Variants in GFRA2 observed in about 807,000 individuals in gnomAD.
GFRA2 encodes the protein GDNF family receptor alpha 2.
Under a neutral mutation model 48.3 loss-of-function variants are expected in GFRA2, and 17 were observed. The observed-to-expected ratio is 0.35, with a 90% CI of 0.24 to 0.53. GFRA2 has a LOEUF of 0.53. Among genes scored for constraint, GFRA2 ranks in the 20% least tolerant of loss-of-function variants. GFRA2 has a pLI of 0.93. For synonymous variants in GFRA2, 305 were observed against 257.2 expected, an observed-to-expected ratio of 1.19 and a Z score of -1.78; for missense variants, 660 against 637.3, an observed-to-expected ratio of 1.04 and a Z score of -0.38.
At chr8:21,698,313 G>T (rs1802309888) in intron 7 of GFRA2, among the ~76,000 whole-genome samples, 1 of 152,204 alleles carries the variant, frequency 6.6e-6, no homozygotes. Flanking sequence ...AGATGGCACT[G>T]GGGGAAGGAC....
At chr8:21,753,758 CTTTT>C (rs1344415283) in intron 3 of GFRA2, among the ~76,000 whole-genome samples, 3 of 152,130 alleles carry the variant, frequency 2.0e-5, no homozygotes, top group African/African-American at 7.2e-5. Context: ...TCACCTGTTT[CTTTT>C]TTGTGATTAC....
intron 4 of GFRA2, among the ~76,000 whole-genome samples, chr8:21,718,670 T>C (rs1803450721): frequency 6.6e-6 from 1 of 152,204 alleles, no homozygotes; most frequent in Non-Finnish European, 1.5e-5. Flanking sequence ...AAGCACCTCC[T>C]CTGTTAGCAT....
Position 21,737,238 on chromosome 8 carries a change from G to A in GFRA2, c.794+13350C>T, listed in dbSNP as rs538773416. ...CAAAAATTAATCAGGCATTGGTAGC[G>A]CGTGCCTATAGTCTCAGCTACTTGG... is the stretch of plus-strand genomic sequence containing the variant. On this transcript the variant is annotated intron_variant, in intron 4 of 8. Coordinates refer to ENST00000524240, the MANE Select transcript of GFRA2 (RefSeq NM_001495.5). Among the ~76,000 whole-genome samples, 12 of 152,106 alleles carry A rather than the reference G, an allele frequency of 7.9e-5. No individual in the cohort carries two copies. In the East Asian group the frequency reaches 9.7e-4, roughly 12 times the overall value.
rs1389962024 is a variant in GFRA2 at position 21,702,896 on chromosome 8, G to A, written c.1127C>T (p.Pro376Leu). ...CAAAGAAGGCGTCTTCTCCACCCGA[G>A]GGGCCTGGGTGGCCTGGAACGAGGG... ...KGPSFQATQAPRVEKTPSLPD... is the reference protein window; with the variant it reads ...KGPSFQATQALRVEKTPSLPD... The change falls in exon 7 of 9, where the codon CCT becomes CTT. Residue 376 changes from proline to leucine, a missense_variant. By Grantham distance (98) the Pro-to-Leu change is moderately conservative (BLOSUM62 -3). Transcript: ENST00000524240. The A allele has an allele frequency of 6.2e-7, 1 of 1,604,856 alleles. No homozygotes were observed. The highest frequency in any genetic ancestry group is 8.5e-7 in the Non-Finnish European group (1 of 1,175,824).
upstream of GFRA2, among the ~76,000 whole-genome samples, chr8:21,790,473 C>T (rs1807543274): frequency 6.6e-6 from 1 of 152,254 alleles, no homozygotes; most frequent in South Asian, 2.1e-4. Flanking sequence ...ACTAACAAAA[C>T]CAGCAGCCTT....
intron 1 of GFRA2, among the ~76,000 whole-genome samples, chr8:21,810,277 T>G (rs920015890): frequency 3.9e-5 from 6 of 152,098 alleles, no homozygotes; most frequent in African/African-American, 1.4e-4. Flanking sequence ...GGAGTGGAAG[T>G]GACCCACAAC....
chr8:21,716,107 G>C (rs1047528050), intron 4 of GFRA2, among the ~76,000 whole-genome samples: 1 of 152,122 alleles, frequency 6.6e-6, no homozygotes, highest in African/African-American at 2.4e-5. Flanking sequence ...CGGATTACTT[G>C]AGGTCAAGAG....
intron 3 of GFRA2, among the ~76,000 whole-genome samples, chr8:21,765,338 T>G (rs1205282095): frequency 1.3e-5 from 2 of 152,024 alleles, no homozygotes; most frequent in Admixed American, 6.6e-5. Context: ...CTCGAACTCC[T>G]GGACTCAAGA....
rs375885089 is a variant in GFRA2, at chr8:21,748,643, C to T, written c.794+1945G>A. 1.2e-3 allele frequency among the ~76,000 whole-genome samples: 180 copies of T among 152,328 alleles called. 1 individual carries two copies. The highest frequency in any genetic ancestry group is 4.3e-3 in the African/African-American group (177 of 41,572). On this transcript the variant is annotated intron_variant, in intron 4 of 8. Coordinates refer to ENST00000524240, the MANE Select transcript of GFRA2 (RefSeq NM_001495.5). ...TGGTTGTGTGACCTTCAGCAAGTTACTTTCTCTGTAACTTGCCAGATGTTT... is the reference window on the plus strand; with the variant it reads ...TGGTTGTGTGACCTTCAGCAAGTTATTTTCTCTGTAACTTGCCAGATGTTT...
At chr8:21,714,230 A>C (rs1030711068) in intron 4 of GFRA2, among the ~76,000 whole-genome samples, 2 of 133,874 alleles carry the variant, frequency 1.5e-5, no homozygotes, top group Non-Finnish European at 3.1e-5. Context: ...TGATCAATAC[A>C]TACTGGTCTG....
At chr8:21,716,967 G>A (rs939931274) in intron 4 of GFRA2, among the ~76,000 whole-genome samples, 10 of 152,160 alleles carry the variant, frequency 6.6e-5, no homozygotes, top group Non-Finnish European at 1.0e-4. Context: ...CAGCCTGCTC[G>A]GTCTTGTCCT....
Position 21,788,325 on chromosome 8 carries a change from C to A in GFRA2, c.-166G>T. ...AAGATCCCGAGTCCTGCGATTCTCG[C>A]CTCTGGCTGGAGGGGGTGGGGTGAG... On this transcript the variant is annotated 5_prime_UTR_variant, in exon 1 of 9. Transcript: ENST00000524240. The A allele has an allele frequency of 7.2e-7, 1 of 1,386,970 alleles. No individual in the cohort carries two copies. Among genetic ancestry groups the A allele is most frequent in the East Asian group, 3.0e-5 (1 of 33,456 alleles). The allele number at this position is 1,386,970 out of a possible 1,614,324, so 85.9% of individuals were successfully genotyped here.
chr8:21,787,263 C>T (rs2309080), intron 1 of GFRA2, among the ~76,000 whole-genome samples: 2 of 49,218 alleles, frequency 4.1e-5, no homozygotes, highest in South Asian at 6.7e-4. Flanking sequence ...TTGGAGGCGG[C>T]GGGGGGGGCA....
At chr8:21,696,541 C>T (rs563722533) in intron 7 of GFRA2, among the ~76,000 whole-genome samples, 28 of 152,298 alleles carry the variant, frequency 1.8e-4, no homozygotes, top group African/African-American at 6.5e-4. Context: ...CGGACCTAGA[C>T]ACTCTGCAGG....
At chr8:21,698,158 C>T (rs1400112280) in intron 7 of GFRA2, among the ~76,000 whole-genome samples, 1 of 152,204 alleles carries the variant, frequency 6.6e-6, no homozygotes, top group Non-Finnish European at 1.5e-5. Flanking sequence ...CAAAAGCACA[C>T]AGGCCTAGGC....
chr8:21,693,604 G>C (rs1801981923), intron 8 of GFRA2, among the ~76,000 whole-genome samples: 1 of 151,998 alleles, frequency 6.6e-6, no homozygotes, highest in Admixed American at 6.6e-5. Context: ...GAGCAGAAGG[G>C]AATGCTCTGT....
At chr8:21,729,826 T>C (rs999067344) in intron 4 of GFRA2, among the ~76,000 whole-genome samples, 4 of 151,622 alleles carry the variant, frequency 2.6e-5, no homozygotes, top group African/African-American at 9.7e-5. Context: ...TTCCAGACCA[T>C]GAGAATTAAG....
At chr8:21,760,554 G>C (rs1326364122) in intron 3 of GFRA2, among the ~76,000 whole-genome samples, 1 of 152,212 alleles carries the variant, frequency 6.6e-6, no homozygotes, top group Non-Finnish European at 1.5e-5. Flanking sequence ...GGAAAGAAGA[G>C]AGGCAGAATG....
intron 3 of GFRA2, among the ~76,000 whole-genome samples, chr8:21,760,266 G>A (rs1401719853): frequency 6.6e-6 from 1 of 152,308 alleles, no homozygotes; most frequent in African/African-American, 2.4e-5. Context: ...CTCATTCACT[G>A]ACACATGGAA....
Sources: allele counts gnomAD v4.1 joint callset (sites outside exome capture counted in the v4.1 genomes callset), GRCh38; gene constraint gnomAD v4.1.1; transcripts MANE v1.5; gene names NCBI Gene and HGNC (gene_info 2026-07-23, HGNC 2026-07-21).